ACY1: variants seen among roughly 807,000 people sequenced by gnomAD.
The protein encoded by ACY1 is aminoacylase 1, also known as aminoacylase-1.
Under a neutral mutation model 53.3 loss-of-function variants are expected in ACY1, and 38 were observed. The observed-to-expected ratio is 0.71, with a 90% CI of 0.55 to 0.93. The LOEUF is 0.93. Among genes scored for constraint, ACY1 ranks in the 40% least tolerant of loss-of-function variants. The pLI, the probability that ACY1 is intolerant of heterozygous loss-of-function variation, is 0.00. For synonymous variants in ACY1, 177 were observed against 202.1 expected (o/e 0.88, Z 1.05); for missense variants, 484 against 540.9 (o/e 0.89, Z 1.04).
chr3:51,987,178 G>A lies in ACY1; in HGVS notation c.689G>A (p.Arg230Gln), dbSNP rs992797800. ...GTTGTAAACTCCATCCTGGCATTCC[G>A]GGAGAAGGAATGGCAGAGGTGAGGC... ...HKVVNSILAF[R>Q]EKEWQRLQSN... is the part of the protein sequence containing the mutation. The change falls in exon 10 of 15, where the codon CGG (arginine) becomes CAG (glutamine). Residue 230 changes from arginine (R) to glutamine (Q), a missense_variant. By Grantham distance (43) the Arg-to-Gln change is conservative. Transcript: ENST00000636358. The A allele has an allele frequency of 2.0e-5, 32 of 1,614,006 alleles. No homozygotes were observed. Among genetic ancestry groups the A allele is most frequent in the South Asian group, 4.4e-5 (4 of 91,078 alleles).
Position 51,986,559 on chromosome 3 carries a change from T to C in ACY1, c.527-46T>C, listed in dbSNP as rs1340250121. On this transcript the variant is annotated intron_variant, in intron 7 of 14. Transcript: ENST00000636358. ...CAGGCAGGGAGTAGGAGGCTGCTAG[T>C]GGGGACTGAGCTGCTCCACCCTCTG... 4 of 1,613,904 alleles carry C rather than the reference T, an allele frequency of 2.5e-6. No individual in the cohort carries two copies. The African/African-American group carries it at 4.0e-5, about 16-fold the overall frequency.
intron 11 of ACY1, 41 bp downstream of exon 11, chr3:51,987,494 C>T (rs1335054891): frequency 6.2e-7 from 1 of 1,614,088 alleles, no homozygotes; most frequent in Non-Finnish European, 8.5e-7. Flanking sequence ...ATCCTGGGTC[C>T]TCAGTCTTGT....
intron 12 of ACY1, 171 bp downstream of exon 12, chr3:51,987,795 G>A (rs1256658635): frequency 4.2e-6 from 3 of 712,070 alleles, no homozygotes; most frequent in East Asian, 2.7e-5. Context: ...TGGGTGCTGG[G>A]GAATGCTGTG....
Position 51,986,349 on chromosome 3 carries a change from A to G in ACY1, c.436+18A>G. On this transcript the variant is annotated intron_variant, in intron 6 of 14. Transcript: ENST00000636358. ...TGTGCCTGGTAGGAGTGGCTCAGATACCTTTGGGAAAGGGGAGGGTGGGGC... is the reference window on the plus strand; with the variant it reads ...TGTGCCTGGTAGGAGTGGCTCAGATGCCTTTGGGAAAGGGGAGGGTGGGGC... 6.5e-6 allele frequency: 7 copies of G among 1,071,852 alleles called. No individual in the cohort carries two copies. The highest frequency in any genetic ancestry group is 2.1e-5 in the African/African-American group (1 of 47,772). The allele number at this position is 1,071,852 out of a possible 1,614,324, so 66.4% of individuals were successfully genotyped here.
Position 51,983,572 on chromosome 3 carries a change from C to T in ACY1, c.-36C>T, listed in dbSNP as rs1700957294. The stretch of plus-strand genomic sequence containing the variant: ...GGGCGCTGAGAGGCGAGCGTGAGCC[C>T]AGCGACAGGAGAGTGAGGTGGGGGC... On this transcript the variant is annotated 5_prime_UTR_variant, in exon 1 of 15. Coordinates refer to ENST00000636358, the MANE Select transcript of ACY1 (RefSeq NM_000666.3). 9.5e-6 allele frequency: 2 copies of T among 209,614 alleles called. No homozygotes were observed. The highest frequency in any genetic ancestry group is 6.7e-5 in the South Asian group (1 of 14,882). The allele number at this position is 209,614 out of a possible 1,614,324, so 13.0% of individuals were successfully genotyped here.
chr3:51,985,431 T>C lies in ACY1; in HGVS notation c.230T>C (p.Leu77Pro). ...AACCCTACACTCTCCTCCATCTTGC[T>C]CAACTCCCACACGGATGTGGTGCCT... ...GTNPTLSSILLNSHTDVVPVF... is the reference protein window; with the variant it reads ...GTNPTLSSILPNSHTDVVPVF... The change falls in exon 4 of 15, where the codon CTC becomes CCC. Residue 77 changes from leucine (L) to proline (P), a missense_variant. Coordinates refer to ENST00000636358, the MANE Select transcript of ACY1 (RefSeq NM_000666.3). 1.9e-6 allele frequency: 3 copies of C among 1,614,052 alleles called. No individual in the cohort carries two copies. The highest frequency in any genetic ancestry group is 2.5e-6 in the Non-Finnish European group (3 of 1,180,006).
At chr3:51,987,760 C>A (rs1701127041) in intron 12 of ACY1, 136 bp downstream of exon 12, 4 of 1,006,676 alleles carry the variant, frequency 4.0e-6, no homozygotes, top group Non-Finnish European at 1.5e-6. Context: ...TTTATTCCAA[C>A]AAGCATTCAT....
chr3:51,988,201 T>G, intron 12 of ACY1: 1 of 461,746 alleles, frequency 2.2e-6, no homozygotes, highest in African/African-American at 2.0e-5. Context: ...CAGGAAAGGG[T>G]GGCCCCTTGC....
Position 51,984,044 on chromosome 3 carries a change from C to T in ACY1, c.-18-3C>T. The T allele has an allele frequency of 6.2e-7, 1 of 1,610,558 alleles. No homozygotes were observed. The highest frequency in any genetic ancestry group is 8.5e-7 in the Non-Finnish European group (1 of 1,178,016). On this transcript the variant is annotated splice_polypyrimidine_tract_variant and splice_region_variant and intron_variant, in intron 1 of 14. Transcript: ENST00000636358. ...GGTAGTTAGCCATTCACTTTGCCCC[C>T]AGCTCACCACGCGCAGCGCCATGAC... is the stretch of plus-strand genomic sequence containing the variant.
At chr3:51,987,769 A>G in intron 12 of ACY1, 145 bp downstream of exon 12, 1 of 903,432 alleles carries the variant, frequency 1.1e-6, no homozygotes, top group East Asian at 2.7e-5. Context: ...ACAAGCATTC[A>G]TTGTAGAGGC....
intron 2 of ACY1, 27 bp downstream of exon 2, chr3:51,984,185 G>A (rs1700979366): frequency 1.2e-6 from 2 of 1,605,938 alleles, no homozygotes. Context: ...TCCAGAGCCT[G>A]TGACGGGGCC....
At position 51,989,141 on chromosome 3, in the gene ACY1, TC is replaced by T; in HGVS notation, c.*71del. 4.4e-6 allele frequency: 7 copies of T among 1,592,480 alleles called. No individual in the cohort carries two copies. The highest frequency in any genetic ancestry group is 6.0e-6 in the Non-Finnish European group (7 of 1,169,470). On this transcript the variant is annotated 3_prime_UTR_variant, in exon 15 of 15. Coordinates refer to ENST00000636358, the MANE Select transcript of ACY1 (RefSeq NM_000666.3). The stretch of plus-strand genomic sequence containing the variant: ...CCAACCAGTGCCAAGGACCTCCTCT[TC>T]CCCCTTCCAAATAATAAAGTCTATG...
chr3:51,985,992 C>T, intron 5 of ACY1, 46 bp downstream of exon 5: 1 of 1,557,754 alleles, frequency 6.4e-7, no homozygotes, highest in Non-Finnish European at 8.8e-7. Context: ...CCCACTGGTC[C>T]AGTGGATTGA....
At chr3:51,986,856 T>C in intron 8 of ACY1, 132 bp from the exon 9 acceptor site, 1 of 1,242,378 alleles carries the variant, frequency 8.0e-7, no homozygotes, top group Admixed American at 2.0e-5. Context: ...AGCTGTATGC[T>C]ACGGGCCCTG....
In ACY1 at chr3:51,987,065, C is replaced by T. The variant is rs781228430; in HGVS notation, c.657+4C>T. 8.7e-6 allele frequency: 14 copies of T among 1,613,874 alleles called. No homozygotes were observed. The South Asian group carries it at 8.8e-5, about 10-fold the overall frequency. ...GGACACAGCAGCAGAGAAGCTGGTACGTGGCACCCCAGGAGGGAGTCTGGG... is the reference window on the plus strand; with the variant it reads ...GGACACAGCAGCAGAGAAGCTGGTATGTGGCACCCCAGGAGGGAGTCTGGG... On this transcript the variant is annotated splice_donor_region_variant and intron_variant, in intron 9 of 14. Transcript: ENST00000636358.
chr3:51,987,265 C>A, intron 10 of ACY1, 44 bp from the exon 11 acceptor site: 1 of 1,614,076 alleles, frequency 6.2e-7, no homozygotes, highest in Non-Finnish European at 8.5e-7. Flanking sequence ...GTCTGAGCCA[C>A]CTCTTTTATC....
chr3:51,984,814 CA>C (rs34294622), intron 2 of ACY1: 15,433 of 119,292 alleles, frequency 0.13, 16 homozygotes, highest in South Asian at 0.18. Context: ...GACCCTGTCT[CA>C]AAAAAAAAAA....
At chr3:51,985,794 A>T in intron 4 of ACY1, 58 bp from the exon 5 acceptor site, 1 of 1,453,932 alleles carries the variant, frequency 6.9e-7, no homozygotes, top group Non-Finnish European at 9.5e-7. Flanking sequence ...ACTGTTGACC[A>T]GAGTGGATTA....
intron 12 of ACY1, chr3:51,987,914 C>T: frequency 2.5e-6 from 1 of 396,160 alleles, no homozygotes; most frequent in South Asian, 2.4e-5. Flanking sequence ...CTCCGTCACC[C>T]AGGCTGCAGT....
Sources: allele counts gnomAD v4.1 joint callset, GRCh38; gene constraint gnomAD v4.1.1; transcripts MANE v1.5; gene names NCBI Gene and HGNC (gene_info 2026-07-23, HGNC 2026-07-21).